Variants in DLG2 observed in about 807,000 individuals in gnomAD.
The protein encoded by DLG2 is disks large homolog 2.
In DLG2, 45 loss-of-function variants were observed where a neutral mutation model predicts 132.5. The ratio of observed to expected loss-of-function variants is 0.34; its 90% CI spans 0.27 to 0.44. The LOEUF (loss-of-function observed/expected upper bound fraction) is 0.44. Ranked by LOEUF, DLG2 falls within the 20% of genes least tolerant of loss-of-function variation. The pLI is 1.00. For missense variants in DLG2, 1,045 were observed against 1,196.9 expected, an observed-to-expected ratio of 0.87 and a Z score of 1.87; for synonymous variants, 424 against 419.6, an observed-to-expected ratio of 1.01 and a Z score of -0.13.
chr11:85,003,081 C>G (rs2058352441), intron 6 of DLG2, among the ~76,000 whole-genome samples: 1 of 151,954 alleles, frequency 6.6e-6, no homozygotes, highest in African/African-American at 2.4e-5. Context: ...GAGTTATACA[C>G]AAATTTTACA....
chr11:83,600,443 A>T (rs2058360879), intron 19 of DLG2, among the ~76,000 whole-genome samples: 1 of 152,330 alleles, frequency 6.6e-6, no homozygotes, highest in South Asian at 2.1e-4. Flanking sequence ...TAAAAAATTG[A>T]ATCACAAAAT....
intron 7 of DLG2, among the ~76,000 whole-genome samples, chr11:84,380,722 A>G (rs75327313): frequency 0.01 from 1,541 of 152,130 alleles, 29 homozygotes; most frequent in African/African-American, 0.035. Context: ...AAAACAGAAC[A>G]AATATTTCAA....
chr11:85,520,872 T>C (rs989230964), intron 3 of DLG2, among the ~76,000 whole-genome samples: 3 of 151,944 alleles, frequency 2.0e-5, no homozygotes, highest in Non-Finnish European at 4.4e-5. Context: ...TCAAAACGGA[T>C]TAAAGACTTA....
chr11:83,470,862 T>C (rs2091932503), intron 24 of DLG2, among the ~76,000 whole-genome samples: 2 of 152,114 alleles, frequency 1.3e-5, no homozygotes, highest in East Asian at 3.8e-4. Context: ...TGGTATCAGA[T>C]GTAAGAGCTC....
chr11:84,302,773 C>T (rs1243590893), intron 7 of DLG2, among the ~76,000 whole-genome samples: 2 of 152,104 alleles, frequency 1.3e-5, no homozygotes, highest in Non-Finnish European at 2.9e-5. Flanking sequence ...TGATTAACTA[C>T]TAGTTTTTAT....
intron 7 of DLG2, among the ~76,000 whole-genome samples, chr11:84,375,599 A>C (rs2098725840): frequency 1.3e-5 from 2 of 152,216 alleles, no homozygotes; most frequent in Non-Finnish European, 2.9e-5. Context: ...TGAATATTAA[A>C]ATTTTGATCA....
chr11:85,111,754 T>G lies in DLG2; in HGVS notation c.283-19A>C, dbSNP rs601375. ...GGTTTTGCTGCAAATAAGTAAAAATTATATTATATTCTATTTATTATGGGC... is the reference window on the plus strand; with the variant it reads ...GGTTTTGCTGCAAATAAGTAAAAATGATATTATATTCTATTTATTATGGGC... On this transcript the variant is annotated intron_variant, in intron 5 of 27. Transcript: ENST00000376104. The G allele has an allele frequency of 0.63, 967,147 of 1,537,828 alleles. 307,911 individuals carry two copies. The highest frequency in any genetic ancestry group is 0.92 in the East Asian group (37,784 of 40,864).
intron 6 of DLG2, among the ~76,000 whole-genome samples, chr11:84,839,424 T>C (rs1345288050): frequency 6.6e-6 from 1 of 152,080 alleles, no homozygotes; most frequent in Admixed American, 6.6e-5. Flanking sequence ...CTTCCCAAGG[T>C]AATTTATAGA....
intron 7 of DLG2, among the ~76,000 whole-genome samples, chr11:84,443,666 G>A (rs1216067965): frequency 1.3e-5 from 2 of 152,038 alleles, no homozygotes; most frequent in East Asian, 3.9e-4. Context: ...GACTTAAGAT[G>A]TTTTCATACA....
chr11:85,535,317 T>C (rs1362949274), intron 3 of DLG2, among the ~76,000 whole-genome samples: 4 of 152,140 alleles, frequency 2.6e-5, no homozygotes, highest in Admixed American at 1.3e-4. Context: ...TAGTACCATA[T>C]AATGTTTACT....
chr11:85,132,578 C>CTT (rs1482372662), intron 5 of DLG2, among the ~76,000 whole-genome samples: 1 of 151,986 alleles, frequency 6.6e-6, no homozygotes, highest in Non-Finnish European at 1.5e-5. Flanking sequence ...TGCAATATCA[C>CTT]TTTAAGAAGT....
chr11:84,705,393 C>A (rs2059681061), intron 6 of DLG2, among the ~76,000 whole-genome samples: 1 of 151,702 alleles, frequency 6.6e-6, no homozygotes, highest in Admixed American at 6.6e-5. Flanking sequence ...AGGACCAACC[C>A]TTCTTACCAG....
At chr11:85,298,046 G>A (rs1038739396) in intron 3 of DLG2, among the ~76,000 whole-genome samples, 5 of 152,150 alleles carry the variant, frequency 3.3e-5, no homozygotes. Context: ...GCAGAGCAGT[G>A]ACCTAGCAAG....
Position 85,107,021 on chromosome 11 carries a change from C to T in DLG2, c.357+4640G>A, listed in dbSNP as rs761457267. Among the ~76,000 whole-genome samples the T allele has an allele frequency of 1.4e-4, 21 of 152,070 alleles. No homozygotes were observed. In the East Asian group the frequency reaches 1.9e-3, roughly 14 times the overall value. ...AGAAATCCAAGGGTCAGTTAAAATA[C>T]GTGTTCAGTAACTACTTCTTGAATA... On this transcript the variant is annotated intron_variant, in intron 6 of 27. Coordinates refer to ENST00000376104, the MANE Select transcript of DLG2 (RefSeq NM_001142699.3).
At chr11:85,425,039 A>AAAAAC (rs1384583791) in intron 3 of DLG2, among the ~76,000 whole-genome samples, 20 of 40,484 alleles carry the variant, frequency 4.9e-4, no homozygotes, top group Non-Finnish European at 8.8e-4. Context: ...CAAACAAACA[A>AAAAAC]AAAAACAAAC....
chr11:83,547,508 C>G (rs1413403459), intron 19 of DLG2, among the ~76,000 whole-genome samples: 1 of 152,062 alleles, frequency 6.6e-6, no homozygotes, highest in Non-Finnish European at 1.5e-5. Context: ...CCCACCACTG[C>G]TGGCTTCAAA....
intron 10 of DLG2, among the ~76,000 whole-genome samples, chr11:84,083,199 G>A (rs1184059052): frequency 6.6e-6 from 1 of 152,174 alleles, no homozygotes; most frequent in Non-Finnish European, 1.5e-5. Context: ...AGAATCGCTT[G>A]AACCCAGGAG....
At chr11:84,921,319 G>A (rs1284082422) in intron 6 of DLG2, among the ~76,000 whole-genome samples, 1 of 152,036 alleles carries the variant, frequency 6.6e-6, no homozygotes, top group Non-Finnish European at 1.5e-5. Context: ...TCTACTCAAA[G>A]GAAGGTTATA....
At chr11:84,935,223 C>T (rs1347526543) in intron 6 of DLG2, among the ~76,000 whole-genome samples, 3 of 152,186 alleles carry the variant, frequency 2.0e-5, no homozygotes, top group African/African-American at 7.2e-5. Flanking sequence ...GTGGTTATTG[C>T]AGAAATCACC....
Sources: allele counts gnomAD v4.1 joint callset (sites outside exome capture counted in the v4.1 genomes callset), GRCh38; gene constraint gnomAD v4.1.1; transcripts MANE v1.5; gene names NCBI Gene and HGNC (gene_info 2026-07-23, HGNC 2026-07-21).